Variants in ZNRD2 observed in about 807,000 individuals in gnomAD.
ZNRD2 encodes zinc ribbon domain containing 2, also known as protein ZNRD2.
Under a neutral mutation model 22.0 loss-of-function variants are expected in ZNRD2, and 16 were observed. The observed-to-expected ratio is 0.73, with a 90% CI of 0.49 to 1.11. The LOEUF (loss-of-function observed/expected upper bound fraction) is 1.11, where lower values mean the gene tolerates loss of function less well. Among genes scored for constraint, ZNRD2 ranks in the 50% least tolerant of loss-of-function variants. The pLI is 0.00. For synonymous variants in ZNRD2, 105 were observed against 109.8 expected (o/e 0.96, Z 0.27); for missense variants, 269 against 258.9 (o/e 1.04, Z -0.27).
chr11:65,570,500 G>C lies in ZNRD2; in HGVS notation c.9G>C (p.Leu3=), dbSNP rs1857102407. 2.5e-6 allele frequency: 4 copies of C among 1,613,826 alleles called. No homozygotes were observed. Among genetic ancestry groups the C allele is most frequent in the Admixed American group, 3.3e-5 (2 of 60,026 alleles). The part of the protein sequence containing the change: MA[L]NGAEVDDFSW... ...GCGGTGACAACGGCAACATGGCCCT[G>C]AACGGAGCTGGTGAGGACCTGGGCG... Residue 3 remains leucine, a synonymous_variant, in exon 1 of 4, where the codon CTG becomes CTC. Coordinates refer to ENST00000309328, the MANE Select transcript of ZNRD2 (RefSeq NM_006396.3).
At chr11:65,571,104 T>C in intron 3 of ZNRD2, 134 bp downstream of exon 3, 3 of 895,190 alleles carry the variant, frequency 3.4e-6, no homozygotes, top group Non-Finnish European at 5.1e-6. Flanking sequence ...AGAAGTAAAA[T>C]TATTTCTCCT....
At position 65,571,372 on chromosome 11, in the gene ZNRD2, C is replaced by T. The variant is rs1007775895; in HGVS notation, c.257-19C>T. 2 of 1,560,366 alleles carry T rather than the reference C, an allele frequency of 1.3e-6. No individual in the cohort carries two copies. The highest frequency in any genetic ancestry group is 1.7e-6 in the Non-Finnish European group (2 of 1,150,524). On this transcript the variant is annotated intron_variant, in intron 3 of 3. Coordinates refer to ENST00000309328, the MANE Select transcript of ZNRD2 (RefSeq NM_006396.3). ...GGCCAGGCATCCTGACCATTCCACCCACTTTCTCCTCTTTTTAGCTCTGAA... is the reference window on the plus strand; with the variant it reads ...GGCCAGGCATCCTGACCATTCCACCTACTTTCTCCTCTTTTTAGCTCTGAA...
chr11:65,571,334 C>T lies in ZNRD2; in HGVS notation c.257-57C>T. 5.2e-6 allele frequency: 8 copies of T among 1,525,384 alleles called. No homozygotes were observed. In the South Asian group the frequency reaches 9.0e-5, roughly 17 times the overall value. The allele number at this position is 1,525,384 out of a possible 1,614,324, so 94.5% of individuals were successfully genotyped here. A position where few individuals can be genotyped will look rare whatever the true frequency, so the allele number is the denominator to read the frequency against. On this transcript the variant is annotated intron_variant, in intron 3 of 3. Coordinates refer to ENST00000309328, the MANE Select transcript of ZNRD2 (RefSeq NM_006396.3). ...GAGCAGAGCAGAAAAGGAGATGGCT[C>T]AGGGCTGAGGTGGGCCAGGCATCCT...
chr11:65,571,805 C>CAAGTGTG lies in ZNRD2; in HGVS notation c.*72_*78dup. 6.8e-7 allele frequency: 1 copy of CAAGTGTG among 1,468,684 alleles called. No individual in the cohort carries two copies. Among genetic ancestry groups the CAAGTGTG allele is most frequent in the Non-Finnish European group, 9.0e-7 (1 of 1,109,960 alleles). The allele number at this position is 1,468,684 out of a possible 1,614,324, so 91.0% of individuals were successfully genotyped here. The stretch of plus-strand genomic sequence containing the variant: ...GTGTGGTTTGTTTTTTTCCTGGTTC[C>CAAGTGTG]AAGTGTGCATGCCAGCCCCAGCTCC... On this transcript the variant is annotated 3_prime_UTR_variant, in exon 4 of 4. Transcript: ENST00000309328.
chr11:65,571,306 A>G lies in ZNRD2; in HGVS notation c.257-85A>G, dbSNP rs573425118. 3 of 1,485,074 alleles carry G rather than the reference A, an allele frequency of 2.0e-6. No individual in the cohort carries two copies. The African/African-American group carries it at 4.2e-5, about 21-fold the overall frequency. The allele number at this position is 1,485,074 out of a possible 1,614,324, so 92.0% of individuals were successfully genotyped here. A position where few individuals can be genotyped will look rare whatever the true frequency, so the allele number is the denominator to read the frequency against. On this transcript the variant is annotated intron_variant, in intron 3 of 3. Coordinates refer to ENST00000309328, the MANE Select transcript of ZNRD2 (RefSeq NM_006396.3). Reference sequence around the variant, plus strand: ...GACAGGGAAAACACCTCAAGCACAGAAAGAGCAGAGCAGAAAAGGAGATGG... The same window carrying G: ...GACAGGGAAAACACCTCAAGCACAGGAAGAGCAGAGCAGAAAAGGAGATGG...
rs563165269 is a variant in ZNRD2 at position 65,571,732 on chromosome 11, T to C, written c.598T>C (p.Ter200GlnextTer9). The C allele has an allele frequency of 1.3e-6, 2 of 1,592,722 alleles. No individual in the cohort carries two copies. Among genetic ancestry groups the C allele is most frequent in the South Asian group, 2.3e-5 (2 of 88,838 alleles). Residue 200 changes from the stop codon to glutamine (Q), a stop_lost, in exon 4 of 4, where the codon TAA (stop) becomes CAA (glutamine). Coordinates refer to ENST00000309328, the MANE Select transcript of ZNRD2 (RefSeq NM_006396.3). ...GCGCAGCCTGCAGCAGCTACAGCAC[T>C]AAGAGAAGCCCCTGAGAAAAACCCT... is the stretch of plus-strand genomic sequence containing the variant. ...ALRSLQQLQH[*>Q]
At chr11:65,570,847 G>A in intron 2 of ZNRD2, 39 bp from the exon 3 acceptor site, 1 of 1,613,660 alleles carries the variant, frequency 6.2e-7, no homozygotes, top group Non-Finnish European at 8.5e-7. Context: ...CCCCATTGCC[G>A]GCGTCTCATT....
intron 2 of ZNRD2, 65 bp from the exon 3 acceptor site, chr11:65,570,821 G>T (rs774430035): frequency 6.2e-7 from 1 of 1,612,562 alleles, no homozygotes; most frequent in Non-Finnish European, 8.5e-7. Flanking sequence ...GCCCTTCCCC[G>T]GCCCTCCCCT....
At position 65,570,931 on chromosome 11, in the gene ZNRD2, T is replaced by C; in HGVS notation, c.217T>C (p.Cys73Arg). The change falls in exon 3 of 4, where the codon TGT becomes CGT. Residue 73 changes from cysteine to arginine, a missense_variant. Coordinates refer to ENST00000309328, the MANE Select transcript of ZNRD2 (RefSeq NM_006396.3). ...DKQRKIYCVA[C>R]QELDSDVDKD... The stretch of plus-strand genomic sequence containing the variant: ...ACAGCGGAAAATCTACTGCGTGGCT[T>C]GTCAGGAACTCGACTCAGACGTGGA... 1 of 1,614,110 alleles carries C rather than the reference T, an allele frequency of 6.2e-7. No homozygotes were observed. Among genetic ancestry groups the C allele is most frequent in the South Asian group, 1.1e-5 (1 of 91,084 alleles).
At position 65,571,827 on chromosome 11, in the gene ZNRD2, C is replaced by G. The variant is rs1031105727; in HGVS notation, c.*93C>G. The G allele has an allele frequency of 2.1e-6, 3 of 1,446,136 alleles. No individual in the cohort carries two copies. Among genetic ancestry groups the G allele is most frequent in the African/African-American group, 2.9e-5 (2 of 69,872 alleles). 89.6% of individuals were successfully genotyped at this position (1,446,136 alleles called of 1,614,324 possible). A position where few individuals can be genotyped will look rare whatever the true frequency, so the allele number is the denominator to read the frequency against. ...TTCCAAGTGTGCATGCCAGCCCCAG[C>G]TCCACTCACCTTTTTCCAGCTTTTG... On this transcript the variant is annotated 3_prime_UTR_variant, in exon 4 of 4. Transcript: ENST00000309328.
At chr11:65,571,131 AC>A (rs1446643865) in intron 3 of ZNRD2, among the ~76,000 whole-genome samples, 161 bp downstream of exon 3, 1 of 152,000 alleles carries the variant, frequency 6.6e-6, no homozygotes, top group Non-Finnish European at 1.5e-5. Flanking sequence ...TCTAAAGAGG[AC>A]CCTTAACTCA....
At chr11:65,571,196 C>G (rs928276904) in intron 3 of ZNRD2, among the ~76,000 whole-genome samples, 195 bp from the exon 4 acceptor site, 3 of 152,158 alleles carry the variant, frequency 2.0e-5, no homozygotes, top group Non-Finnish European at 4.4e-5. Context: ...AGTCTGAGCT[C>G]AACCAGGCCC....
chr11:65,571,052 A>G (rs1590800718), intron 3 of ZNRD2, 82 bp downstream of exon 3: 14 of 1,317,854 alleles, frequency 1.1e-5, no homozygotes, highest in Non-Finnish European at 1.4e-5. Flanking sequence ...AGGCCCGAGA[A>G]CAGTAGGGCT....
Position 65,571,457 on chromosome 11 carries a change from C to T in ZNRD2, c.323C>T (p.Pro108Leu). 1.9e-6 allele frequency: 3 copies of T among 1,613,538 alleles called. No individual in the cohort carries two copies. The highest frequency in any genetic ancestry group is 2.2e-5 in the South Asian group (2 of 91,076). ...CAGCTGGCCTCAGCCTCAGAGCTCC[C>T]CCTGGGCTCTCGACCTGCGCCCCAG... ...EHQLASASEL[P>L]LGSRPAPQPP... is the part of the protein sequence containing the mutation. Residue 108 changes from proline to leucine, a missense_variant, in exon 4 of 4, where the codon CCC becomes CTC. Coordinates refer to ENST00000309328, the MANE Select transcript of ZNRD2 (RefSeq NM_006396.3).
intron 3 of ZNRD2, 107 bp downstream of exon 3, chr11:65,571,077 G>A: frequency 9.3e-7 from 1 of 1,072,218 alleles, no homozygotes. Context: ...GGTGACAGTG[G>A]AGTCTCTGGG....
intron 3 of ZNRD2, 50 bp from the exon 4 acceptor site, chr11:65,571,341 G>T: frequency 6.5e-7 from 1 of 1,535,586 alleles, no homozygotes; most frequent in South Asian, 1.3e-5. Flanking sequence ...GCTCAGGGCT[G>T]AGGTGGGCCA....
At position 65,571,468 on chromosome 11, in the gene ZNRD2, C is replaced by T. The variant is rs774467327; in HGVS notation, c.334C>T (p.Arg112Ter). The part of the protein sequence containing the change: ...ASASELPLGS[R>*]PAPQPPVPRP... ...AGCCTCAGAGCTCCCCCTGGGCTCT[C>T]GACCTGCGCCCCAGCCCCCAGTACC... The change falls in exon 4 of 4, where the codon CGA becomes TGA. Residue 112 changes from arginine to a stop codon, truncating the protein, a stop_gained. Coordinates refer to ENST00000309328, the MANE Select transcript of ZNRD2 (RefSeq NM_006396.3). LOFTEE classifies it high-confidence loss of function. 3.7e-6 allele frequency: 6 copies of T among 1,613,650 alleles called. No homozygotes were observed. The highest frequency in any genetic ancestry group is 4.5e-5 in the East Asian group (2 of 44,890).
rs923978502 is a variant in ZNRD2, at chr11:65,571,045, C to T, written c.256+75C>T. ...AAGCGTGGTTAAGTGGTGATAGAGG[C>T]CCGAGAACAGTAGGGCTGAGAGGTG... On this transcript the variant is annotated intron_variant, in intron 3 of 3. Transcript: ENST00000309328. The T allele has an allele frequency of 3.6e-6, 5 of 1,398,286 alleles. No individual in the cohort carries two copies. In the African/African-American group the frequency reaches 5.7e-5, roughly 16 times the overall value. 86.6% of individuals were successfully genotyped at this position (1,398,286 alleles called of 1,614,324 possible).
chr11:65,571,061 C>G, intron 3 of ZNRD2, 91 bp downstream of exon 3: 1 of 1,236,118 alleles, frequency 8.1e-7, no homozygotes, highest in Admixed American at 2.0e-5. Flanking sequence ...AACAGTAGGG[C>G]TGAGAGGTGA....
Sources: gnomAD v4.1 joint callset for allele counts (sites outside exome capture counted in the v4.1 genomes callset) on GRCh38, gnomAD v4.1.1 for gene constraint, MANE v1.5 for transcripts, NCBI Gene and HGNC (gene_info 2026-07-23, HGNC 2026-07-21) for gene names.